The following TLN2 variants were observed in gnomAD, a reference collection of about 807,000 sequenced individuals.
TLN2 encodes talin-2.
In TLN2, 118 loss-of-function variants were observed where a neutral mutation model predicts 294.7. The ratio of observed to expected loss-of-function variants is 0.40; its 90% CI spans 0.34 to 0.47. The LOEUF is 0.47. Ranked by LOEUF, TLN2 falls within the 20% of genes least tolerant of loss-of-function variation. The probability of loss-of-function intolerance (pLI) is 0.84; values close to 1 mark genes in which losing one functional copy is unlikely to be tolerated. For synonymous variants in TLN2, 1,431 were observed against 1,304.5 expected, an observed-to-expected ratio of 1.10 and a Z score of -2.09; for missense variants, 3,083 against 3,282.2, an observed-to-expected ratio of 0.94 and a Z score of 1.48.
intron 52 of TLN2, among the ~76,000 whole-genome samples, chr15:62,813,006 G>A (rs775338056): frequency 7.2e-5 from 11 of 152,298 alleles, no homozygotes; most frequent in African/African-American, 2.2e-4. Context: ...ACTTACTGAC[G>A]GGAGACCCAC....
At chr15:62,606,008 A>G (rs2047405586) in intron 2 of TLN2, among the ~76,000 whole-genome samples, 1 of 152,220 alleles carries the variant, frequency 6.6e-6, no homozygotes, top group Admixed American at 6.5e-5. Flanking sequence ...TCACTAGTTA[A>G]GTAGTGTTAG....
At chr15:62,687,135 G>A (rs1009342496) in intron 12 of TLN2, among the ~76,000 whole-genome samples, 5 of 152,194 alleles carry the variant, frequency 3.3e-5, no homozygotes, top group African/African-American at 1.2e-4. Context: ...ACTTTCTAGT[G>A]CTCTGAGACA....
intron 11 of TLN2, among the ~76,000 whole-genome samples, chr15:62,680,656 A>G (rs1467495274): frequency 6.6e-6 from 1 of 151,594 alleles, no homozygotes; most frequent in African/African-American, 2.4e-5. Context: ...GCAGTGAATT[A>G]TAAGATTTTA....
intron 1 of TLN2, among the ~76,000 whole-genome samples, chr15:62,467,000 G>T (rs2037170815): frequency 6.6e-6 from 1 of 152,232 alleles, no homozygotes; most frequent in Admixed American, 6.5e-5. Context: ...CCTCCGTTTT[G>T]TGAGCCTTGC....
intron 43 of TLN2, among the ~76,000 whole-genome samples, chr15:62,777,302 C>CTT (rs2063785643): frequency 1.3e-5 from 2 of 152,078 alleles, no homozygotes; most frequent in Non-Finnish European, 2.9e-5. Flanking sequence ...TTTGGGAGGC[C>CTT]AAGGCGGGCG....
chr15:62,408,300 A>G (rs2033547312), intron 1 of TLN2, among the ~76,000 whole-genome samples: 1 of 152,206 alleles, frequency 6.6e-6, no homozygotes, highest in Admixed American at 6.5e-5. Flanking sequence ...TGTATTAACT[A>G]AAGTGTGTTC....
chr15:62,763,918 G>GTATTCCTGTATTCA (rs1000993652), intron 40 of TLN2, among the ~76,000 whole-genome samples: 9 of 152,290 alleles, frequency 5.9e-5, no homozygotes, highest in African/African-American at 2.2e-4. Flanking sequence ...TACAGGTACT[G>GTATTCCTGTATTCA]GGGTGGAAAG....
In TLN2 at chr15:62,399,947, G is replaced by A. The variant is rs146453271; in HGVS notation, c.-238+9262G>A. Among the ~76,000 whole-genome samples the A allele has an allele frequency of 6.4e-3, 974 of 152,232 alleles. 7 individuals carry two copies. Among genetic ancestry groups the A allele is most frequent in the Middle Eastern group, 0.014 (4 of 294 alleles). On this transcript the variant is annotated intron_variant, in intron 1 of 58. Coordinates refer to ENST00000636159, the MANE Select transcript of TLN2 (RefSeq NM_015059.3). ...GCATGATTATGTTTTGAAATGTGAG[G>A]ACATGAGATTTGGGAGGGGGCAGGG...
intron 1 of TLN2, among the ~76,000 whole-genome samples, chr15:62,412,222 C>T (rs954186271): frequency 6.6e-6 from 1 of 152,132 alleles, no homozygotes; most frequent in African/African-American, 2.4e-5. Context: ...GGTGAACTTG[C>T]ATGCATACTA....
At chr15:62,433,807 G>T (rs1394136715) in intron 1 of TLN2, among the ~76,000 whole-genome samples, 1 of 151,878 alleles carries the variant, frequency 6.6e-6, no homozygotes, top group South Asian at 2.1e-4. Context: ...TGGCCAACGT[G>T]GTGAAACCCT....
At chr15:62,702,948 A>G in intron 19 of TLN2, 84 bp downstream of exon 19, 1 of 1,260,010 alleles carries the variant, frequency 7.9e-7, no homozygotes, top group Non-Finnish European at 1.2e-6. Flanking sequence ...ATATTTGAAA[A>G]CTAACTAAAT....
Position 62,819,621 on chromosome 15 carries a change from G to C in TLN2, c.6877G>C (p.Gly2293Arg). 1 of 1,609,072 alleles carries C rather than the reference G, an allele frequency of 6.2e-7. No homozygotes were observed. The highest frequency in any genetic ancestry group is 8.5e-7 in the Non-Finnish European group (1 of 1,179,880). Residue 2293 changes from glycine (G) to arginine (R), a missense_variant and splice_region_variant, in exon 53 of 59, where the codon GGA becomes CGA. Gly to Arg is a moderately radical substitution (Grantham distance 125). Transcript: ENST00000636159. ...CATCCAGGCGGCGGAAGCCATGAAA[G>C]GTAGGCTGGATTCTCACGTCTTGGT... Reference protein sequence around the residue: ...ELIQAAEAMKGTEWVDPEDPT... With the variant: ...ELIQAAEAMKRTEWVDPEDPT...
At chr15:62,542,523 G>T (rs2041755644) in intron 1 of TLN2, among the ~76,000 whole-genome samples, 1 of 152,120 alleles carries the variant, frequency 6.6e-6, no homozygotes, top group African/African-American at 2.4e-5. Flanking sequence ...ATTGACTGCA[G>T]GCAACTGAAA....
intron 1 of TLN2, among the ~76,000 whole-genome samples, chr15:62,545,516 G>GTGTGTGTGTGTA (rs746611547): frequency 1.4e-5 from 2 of 141,518 alleles, no homozygotes; most frequent in Non-Finnish European, 3.1e-5. Context: ...CTTTCTCTTT[G>GTGTGTGTGTGTA]TGTGTGTGTG....
At chr15:62,528,694 A>G (rs1411505649) in intron 1 of TLN2, among the ~76,000 whole-genome samples, 63 of 66,068 alleles carry the variant, frequency 9.5e-4, no homozygotes, top group African/African-American at 3.9e-3. Flanking sequence ...TTTTTTTGGC[A>G]TGTCTCAGGC....
chr15:62,451,384 C>A (rs1029375080), intron 1 of TLN2, among the ~76,000 whole-genome samples: 19 of 152,288 alleles, frequency 1.2e-4, no homozygotes, highest in African/African-American at 4.6e-4. Context: ...GGGCTGGGCA[C>A]AGTGGCTCAC....
chr15:62,528,610 G>A (rs1467391762), intron 1 of TLN2, among the ~76,000 whole-genome samples: 1 of 151,484 alleles, frequency 6.6e-6, no homozygotes, highest in African/African-American at 2.4e-5. Flanking sequence ...GAAATGCAGG[G>A]GCTATGTCTG....
intron 50 of TLN2, among the ~76,000 whole-genome samples, chr15:62,801,367 TATG>T (rs1390948781): frequency 3.9e-5 from 6 of 152,248 alleles, no homozygotes; most frequent in African/African-American, 1.4e-4. Context: ...CTGCTGTTCT[TATG>T]ATCCCACAAT....
chr15:62,682,221 A>T (rs2056898645), intron 11 of TLN2, among the ~76,000 whole-genome samples: 1 of 152,224 alleles, frequency 6.6e-6, no homozygotes, highest in Admixed American at 6.5e-5. Flanking sequence ...TGGCATGGTT[A>T]TGTTTCTACA....
Sources: gnomAD v4.1 joint callset for allele counts (sites outside exome capture counted in the v4.1 genomes callset) on GRCh38, gnomAD v4.1.1 for gene constraint, MANE v1.5 for transcripts, NCBI Gene and HGNC (gene_info 2026-07-23, HGNC 2026-07-21) for gene names.